The following GPS1 variants were observed in gnomAD, a reference collection of about 807,000 sequenced individuals.
GPS1 encodes the protein G protein pathway suppressor 1, also known as COP9 signalosome complex subunit 1.
A neutral mutation model predicts 60.0 loss-of-function variants in GPS1; 11 were observed. That is an observed-to-expected ratio of 0.18 (90% CI 0.12 to 0.30). GPS1 has a LOEUF of 0.30. Among genes scored for constraint, GPS1 ranks in the 10% least tolerant of loss-of-function variants. The pLI, the probability that GPS1 is intolerant of heterozygous loss-of-function variation, is 1.00. For missense variants in GPS1, 543 were observed against 669.2 expected, an observed-to-expected ratio of 0.81 and a Z score of 2.08; for synonymous variants, 343 against 269.8, an observed-to-expected ratio of 1.27 and a Z score of -2.66.
Position 82,057,199 on chromosome 17 carries a change from T to C in GPS1, c.*72T>C, listed in dbSNP as rs1275766272. On this transcript the variant is annotated 3_prime_UTR_variant, in exon 13 of 13. Transcript: ENST00000578552. Reference sequence around the variant, plus strand: ...CACGGACCTCGGACCTCCAGGCGGCTCAGTGCTGCCTGCGGCCCAGCTAAG... The same window carrying C: ...CACGGACCTCGGACCTCCAGGCGGCCCAGTGCTGCCTGCGGCCCAGCTAAG... 1 of 1,564,538 alleles carries C rather than the reference T, an allele frequency of 6.4e-7. No homozygotes were observed. The highest frequency in any genetic ancestry group is 2.3e-5 in the East Asian group (1 of 44,318).
chr17:82,051,673 C>A, upstream of GPS1: 1 of 997,824 alleles, frequency 1.0e-6, no homozygotes, highest in Non-Finnish European at 1.2e-6. This position sits in a 1 kb window ranked among gnomAD's most constrained non-coding sequence, Gnocchi z 4.1. Context: ...GGGGCGGGCG[C>A]GCGGGGCAGC....
At chr17:82,055,848 G>C (rs1451455547) in intron 7 of GPS1, 23 bp downstream of exon 7, 2 of 1,549,022 alleles carry the variant, frequency 1.3e-6, no homozygotes, top group Non-Finnish European at 1.8e-6. Context: ...CTGGGGACTT[G>C]GGAGGCAGAG....
At chr17:82,055,713 C>G (rs574861662) in intron 6 of GPS1, 27 bp from the exon 7 acceptor site, 152 of 1,491,150 alleles carry the variant, frequency 1.0e-4, no homozygotes, top group Non-Finnish European at 1.3e-4. Flanking sequence ...CCTCTCCCCC[C>G]TCCCCGCCCC....
In GPS1 at chr17:82,056,990, G is replaced by T. The variant is rs368822542; in HGVS notation, c.1389+16G>T. The T allele has an allele frequency of 1.6e-5, 26 of 1,612,312 alleles. No individual in the cohort carries two copies. In the African/African-American group the frequency reaches 1.9e-4, roughly 12 times the overall value. The stretch of plus-strand genomic sequence containing the variant: ...CCATGTCAAGGTGGGCTGGCTTGAG[G>T]GGGGGCAGGCGCACGGCGTGTGGGG... On this transcript the variant is annotated intron_variant, in intron 12 of 12. Coordinates refer to ENST00000578552, the MANE Select transcript of GPS1 (RefSeq NM_001321092.3).
At chr17:82,055,296 C>T in intron 6 of GPS1, 74 bp downstream of exon 6, 1 of 1,443,752 alleles carries the variant, frequency 6.9e-7, no homozygotes, top group Non-Finnish European at 9.5e-7. Flanking sequence ...GGGCAGTAGG[C>T]TGGTCCCTGC....
In GPS1 at chr17:82,056,113, G is replaced by A. The variant is rs1373672520; in HGVS notation, c.929+18G>A. The A allele has an allele frequency of 1.3e-6, 2 of 1,595,186 alleles. No homozygotes were observed. The highest frequency in any genetic ancestry group is 1.1e-5 in the South Asian group (1 of 90,638). On this transcript the variant is annotated intron_variant, in intron 8 of 12. Coordinates refer to ENST00000578552, the MANE Select transcript of GPS1 (RefSeq NM_001321092.3). ...TCCAGCAGGTAGGTGCCCCGGTCCT[G>A]CAGCCCTGAAGGCTGTCCCCGTCCC...
Position 82,053,918 on chromosome 17 carries a change from G to C in GPS1, c.177G>C (p.Arg59=). 2 of 1,612,808 alleles carry C rather than the reference G, an allele frequency of 1.2e-6. No homozygotes were observed. The highest frequency in any genetic ancestry group is 1.7e-6 in the Non-Finnish European group (2 of 1,179,942). Residue 59 remains arginine (R), a synonymous_variant, in exon 3 of 13, where the codon CGG becomes CGC. Transcript: ENST00000578552. ...ASYSGLMRIE[R]LQFIADHCPT... ...ACAGCGGCCTGATGCGCATCGAACG[G>C]CTGCAGTTCATTGCTGATCACTGCC...
chr17:82,050,956 C>G (rs2030449926), upstream of GPS1: 3 of 1,422,538 alleles, frequency 2.1e-6, no homozygotes, highest in Non-Finnish European at 2.8e-6. Flanking sequence ...CTGAAGCAGG[C>G]GGCCATCGGT....
chr17:82,052,731 T>A (rs563566355), intron 1 of GPS1: 1 of 487,714 alleles, frequency 2.1e-6, no homozygotes, highest in Non-Finnish European at 3.7e-6. Flanking sequence ...AGGTCCTGGC[T>A]TCTCTGTGTC....
Position 82,054,591 on chromosome 17 carries a change from G to A in GPS1, c.390G>A (p.Thr130=), listed in dbSNP as rs1381379356. 1.2e-5 allele frequency: 20 copies of A among 1,603,636 alleles called. No homozygotes were observed. The highest frequency in any genetic ancestry group is 1.6e-4 in the Middle Eastern group (1 of 6,072). ...PALDTAWVEA[T]RKKALLKLEK... The stretch of plus-strand genomic sequence containing the variant: ...TGGACACGGCCTGGGTGGAGGCCAC[G>A]CGGAAGAAGGCGCTGCTGAAGCTGG... The change falls in exon 4 of 13, where the codon ACG becomes ACA. Residue 130 remains threonine, a synonymous_variant. Coordinates refer to ENST00000578552, the MANE Select transcript of GPS1 (RefSeq NM_001321092.3).
chr17:82,054,356 C>A, intron 3 of GPS1, 154 bp from the exon 4 acceptor site: 1 of 1,033,700 alleles, frequency 9.7e-7, no homozygotes, highest in Non-Finnish European at 1.4e-6. Flanking sequence ...GGCCCTGGTG[C>A]AGACTGGTCC....
upstream of GPS1, chr17:82,051,119 G>A (rs1234031450): frequency 2.1e-5 from 28 of 1,334,638 alleles, no homozygotes; most frequent in Non-Finnish European, 2.7e-5. The surrounding 1 kb of genome is among the most constrained non-coding windows in gnomAD (Gnocchi z 4.1). Flanking sequence ...AGCAGAGCTT[G>A]GCTGGCAGGG....
chr17:82,054,239 C>T, intron 3 of GPS1, 190 bp downstream of exon 3: 1 of 747,058 alleles, frequency 1.3e-6, no homozygotes, highest in Non-Finnish European at 2.1e-6. Context: ...TGTGTGCATG[C>T]AGGGCTTTGA....
upstream of GPS1, chr17:82,051,477 G>A (rs2030571396): frequency 1.2e-5 from 16 of 1,350,896 alleles, no homozygotes; most frequent in South Asian, 3.8e-5. This position sits in a 1 kb window ranked among gnomAD's most constrained non-coding sequence, Gnocchi z 4.1. Flanking sequence ...GGGGCTCGCC[G>A]TCGGGGTCGG....
In GPS1 at chr17:82,053,902, T is replaced by C; in HGVS notation, c.161T>C (p.Leu54Pro). 6.2e-7 allele frequency: 1 copy of C among 1,612,496 alleles called. No homozygotes were observed. Among genetic ancestry groups the C allele is most frequent in the Non-Finnish European group, 8.5e-7 (1 of 1,179,860 alleles). ...CAGTACGCGGCCAGCTACAGCGGCCTGATGCGCATCGAACGGCTGCAGTTC... is the reference window on the plus strand; with the variant it reads ...CAGTACGCGGCCAGCTACAGCGGCCCGATGCGCATCGAACGGCTGCAGTTC... ...LEQYAASYSG[L>P]MRIERLQFIA... is the part of the protein sequence containing the mutation. The change falls in exon 3 of 13, where the codon CTG becomes CCG. Residue 54 changes from leucine to proline, a missense_variant. By Grantham distance (98) the Leu-to-Pro change is moderately conservative (BLOSUM62 -3). Transcript: ENST00000578552.
chr17:82,051,004 G>A (rs1433750976), upstream of GPS1: 7 of 1,413,012 alleles, frequency 5.0e-6, no homozygotes, highest in South Asian at 4.7e-5. This position sits in a 1 kb window ranked among gnomAD's most constrained non-coding sequence, Gnocchi z 4.1. Flanking sequence ...GAGGCAGCTC[G>A]CCCTGACCTG....
At chr17:82,055,704 C>CT in intron 6 of GPS1, 36 bp from the exon 7 acceptor site, 2 of 1,386,976 alleles carry the variant, frequency 1.4e-6, no homozygotes, top group South Asian at 1.2e-5. Context: ...GTCTTACCCC[C>CT]TCTCCCCCCT....
At chr17:82,052,537 T>G in intron 1 of GPS1, 1 of 1,492,010 alleles carries the variant, frequency 6.7e-7, no homozygotes, top group South Asian at 1.2e-5. Context: ...GCTGGGCCCC[T>G]GCTGCTCTGC....
At chr17:82,053,432 C>T (rs937571508) in intron 2 of GPS1, 66 bp downstream of exon 2, 15 of 1,152,808 alleles carry the variant, frequency 1.3e-5, no homozygotes, top group African/African-American at 8.0e-5. Context: ...GCACACTCCC[C>T]GCTGCAGCCT....
Sources: gnomAD v4.1 joint callset for allele counts on GRCh38, gnomAD v4.1.1 for gene constraint, Gnocchi (gnomAD v3.1) non-coding constraint, MANE v1.5 for transcripts, NCBI Gene and HGNC (gene_info 2026-07-23, HGNC 2026-07-21) for gene names.